Variants in GOLGB1 observed in about 807,000 individuals in gnomAD.
GOLGB1 encodes the protein golgin B1, also known as golgin subfamily B member 1.
GOLGB1 carries 174 observed loss-of-function variants against 336.9 expected under a neutral mutation model. The observed-to-expected ratio is 0.52, with a 90% CI of 0.46 to 0.59. The LOEUF (loss-of-function observed/expected upper bound fraction) is 0.59, where lower values mean the gene tolerates loss of function less well. Among genes scored for constraint, GOLGB1 ranks in the 20% least tolerant of loss-of-function variants. The pLI is 0.00. For missense variants in GOLGB1, 3,331 were observed against 3,645.3 expected (o/e 0.91, Z 2.22); for synonymous variants, 1,208 against 1,289.2 (o/e 0.94, Z 1.35).
intron 14 of GOLGB1, among the ~76,000 whole-genome samples, chr3:121,689,896 G>A (rs183891746): frequency 2.6e-5 from 4 of 152,330 alleles, no homozygotes; most frequent in East Asian, 1.9e-4. Flanking sequence ...GCTGAGGCAG[G>A]AGGACTGCTT....
chr3:121,702,120 C>G (rs561132670), intron 11 of GOLGB1, among the ~76,000 whole-genome samples: 1 of 152,116 alleles, frequency 6.6e-6, no homozygotes, highest in Non-Finnish European at 1.5e-5. Flanking sequence ...CCTCATCCCA[C>G]AAATTTATTA....
intron 3 of GOLGB1, among the ~76,000 whole-genome samples, 153 bp downstream of exon 3, chr3:121,729,712 G>A (rs781439927): frequency 3.9e-5 from 6 of 151,906 alleles, no homozygotes; most frequent in East Asian, 3.9e-4. Context: ...CTACCACACC[G>A]ACCCAAAAGT....
rs1939136026 is a variant in GOLGB1 at position 121,669,197 on chromosome 3, C to T, written c.9321+15G>A. Reference sequence around the variant, plus strand: ...CATCACACTTCTCCCAGTCTCTCACCTTCTCTTTACTCACCGCCTGCAGCT... The same window carrying T: ...CATCACACTTCTCCCAGTCTCTCACTTTCTCTTTACTCACCGCCTGCAGCT... On this transcript the variant is annotated intron_variant, in intron 18 of 21. Coordinates refer to ENST00000614479, the MANE Select transcript of GOLGB1 (RefSeq NM_001366282.2). The T allele has an allele frequency of 2.5e-6, 4 of 1,612,574 alleles. No individual in the cohort carries two copies. The highest frequency in any genetic ancestry group is 2.5e-6 in the Non-Finnish European group (3 of 1,179,644).
rs777131001 is a variant in GOLGB1, at chr3:121,664,630, G to A, written c.9661-16C>T. ...CACTCCGGGTCTGAAAGAAAAATGTGAAAGTCAGAGAGTTTTCACCCTATA... is the reference window on the plus strand; with the variant it reads ...CACTCCGGGTCTGAAAGAAAAATGTAAAAGTCAGAGAGTTTTCACCCTATA... On this transcript the variant is annotated splice_polypyrimidine_tract_variant and intron_variant, in intron 21 of 21. Coordinates refer to ENST00000614479, the MANE Select transcript of GOLGB1 (RefSeq NM_001366282.2). 1.2e-6 allele frequency: 2 copies of A among 1,613,022 alleles called. No individual in the cohort carries two copies. The highest frequency in any genetic ancestry group is 1.7e-6 in the Non-Finnish European group (2 of 1,178,968).
At chr3:121,699,297 A>G (rs1336148829) in intron 12 of GOLGB1, among the ~76,000 whole-genome samples, 1 of 152,180 alleles carries the variant, frequency 6.6e-6, no homozygotes, top group Non-Finnish European at 1.5e-5. Context: ...CCTCAAGGGC[A>G]TGTATAATTC....
At chr3:121,730,510 C>G (rs140548861) in intron 2 of GOLGB1, among the ~76,000 whole-genome samples, 33 of 151,884 alleles carry the variant, frequency 2.2e-4, no homozygotes, top group African/African-American at 7.5e-4. Context: ...AATTACAAAG[C>G]AAACAGATAT....
At chr3:121,738,624 A>C (rs1946644295) in intron 1 of GOLGB1, among the ~76,000 whole-genome samples, 1 of 152,210 alleles carries the variant, frequency 6.6e-6, no homozygotes, top group African/African-American at 2.4e-5. Context: ...TTCCCATTCC[A>C]ATAACAGGTA....
In GOLGB1 at chr3:121,664,042, C is replaced by A. The variant is rs985098687; in HGVS notation, c.*438G>T. ...CTCTGTTTATGGCAGAGCCACCTTC[C>A]CCCTGAAACAGGAGAAAATACAGGC... On this transcript the variant is annotated 3_prime_UTR_variant, in exon 22 of 22. Transcript: ENST00000614479. 3 of 177,142 alleles carry A rather than the reference C, an allele frequency of 1.7e-5. No individual in the cohort carries two copies. The highest frequency in any genetic ancestry group is 3.7e-5 in the Non-Finnish European group (3 of 81,678). 11.0% of individuals were successfully genotyped at this position (177,142 alleles called of 1,614,324 possible).
intron 14 of GOLGB1, among the ~76,000 whole-genome samples, chr3:121,688,396 C>T (rs1027513558): frequency 2.0e-5 from 3 of 152,388 alleles, no homozygotes; most frequent in East Asian, 1.9e-4. Flanking sequence ...CTGTGTTGGC[C>T]GGGCTGGTCT....
chr3:121,734,498 A>G (rs1946352987), intron 1 of GOLGB1, among the ~76,000 whole-genome samples: 1 of 152,246 alleles, frequency 6.6e-6, no homozygotes, highest in African/African-American at 2.4e-5. Context: ...AAAATATCTT[A>G]AAACTCAACA....
At chr3:121,713,636 G>T (rs918527248) in intron 10 of GOLGB1, among the ~76,000 whole-genome samples, 7 of 152,026 alleles carry the variant, frequency 4.6e-5, no homozygotes, top group Non-Finnish European at 1.0e-4. Flanking sequence ...GACTGTAAAG[G>T]GGTATAGGGA....
chr3:121,730,233 GTAT>G (rs1055477421), intron 2 of GOLGB1: 48 of 398,674 alleles, frequency 1.2e-4, no homozygotes, highest in African/African-American at 9.9e-4. Context: ...CCCATTTAAG[GTAT>G]TATTATCCTA....
chr3:121,704,776 C>CAAAA (rs71133560), intron 10 of GOLGB1, among the ~76,000 whole-genome samples: 3 of 106,932 alleles, frequency 2.8e-5, no homozygotes, highest in Admixed American at 1.1e-4. Context: ...AACTCCATCT[C>CAAAA]AAAAAAAAAA....
In GOLGB1 at chr3:121,693,901, T is replaced by G; in HGVS notation, c.6622A>C (p.Arg2208=). 1 of 1,614,088 alleles carries G rather than the reference T, an allele frequency of 6.2e-7. No homozygotes were observed. The highest frequency in any genetic ancestry group is 2.2e-5 in the East Asian group (1 of 44,886). ...SMSSLQDDRD[R]VIDEAKKWER... ...CATTTCTTAGCTTCATCTATCACCC[T>G]GTCACGATCATCCTGGAGGGAAGAC... The change falls in exon 13 of 22, where the codon AGG becomes CGG. Residue 2208 remains arginine, a synonymous_variant. Coordinates refer to ENST00000614479, the MANE Select transcript of GOLGB1 (RefSeq NM_001366282.2).
In GOLGB1 at chr3:121,665,000, T is replaced by C. The variant is rs1368620986; in HGVS notation, c.9586A>G (p.Thr3196Ala). The C allele has an allele frequency of 1.9e-6, 3 of 1,610,524 alleles. No homozygotes were observed. The highest frequency in any genetic ancestry group is 2.5e-6 in the Non-Finnish European group (3 of 1,176,906). The change falls in exon 21 of 22, where the codon ACT (threonine) becomes GCT (alanine). Residue 3196 changes from threonine to alanine, a missense_variant. Transcript: ENST00000614479. ...LEHSEWDSSR[T>A]PIIGSCGTQE... ...GTGCCACAGGAGCCAATGATAGGAGTCCGGGAAGAGTCCCATTCACTGTGC... is the reference window on the plus strand; with the variant it reads ...GTGCCACAGGAGCCAATGATAGGAGCCCGGGAAGAGTCCCATTCACTGTGC...
intron 15 of GOLGB1, among the ~76,000 whole-genome samples, chr3:121,678,086 T>C (rs1451915720): frequency 6.6e-6 from 1 of 152,224 alleles, no homozygotes; most frequent in Non-Finnish European, 1.5e-5. Flanking sequence ...AACTCAGTTG[T>C]TTTGCCATTT....
intron 21 of GOLGB1, 116 bp from the exon 22 acceptor site, chr3:121,664,730 C>A (rs1938355158): frequency 1.9e-6 from 2 of 1,035,884 alleles, no homozygotes; most frequent in Admixed American, 4.0e-5. Flanking sequence ...AAGGGGTATT[C>A]TGAGAGGAAA....
At chr3:121,676,288 C>G (rs752902131) in intron 17 of GOLGB1, among the ~76,000 whole-genome samples, 1 of 152,174 alleles carries the variant, frequency 6.6e-6, no homozygotes, top group Non-Finnish European at 1.5e-5. Flanking sequence ...TCTGTGAAAA[C>G]AGCCTAGTGA....
chr3:121,699,594 A>C (rs569284397), intron 12 of GOLGB1, among the ~76,000 whole-genome samples: 21 of 152,294 alleles, frequency 1.4e-4, no homozygotes, highest in African/African-American at 4.8e-4. Context: ...ATTAGTAGCT[A>C]CTGTATTTGT....
Sources: gnomAD v4.1 joint callset for allele counts (sites outside exome capture counted in the v4.1 genomes callset) on GRCh38, gnomAD v4.1.1 for gene constraint, MANE v1.5 for transcripts, NCBI Gene and HGNC (gene_info 2026-07-23, HGNC 2026-07-21) for gene names.